Variants in IQCM observed in about 807,000 individuals in gnomAD.
The protein encoded by IQCM is IQ motif containing M, also known as IQ domain-containing protein M.
Under a neutral mutation model 57.6 loss-of-function variants are expected in IQCM, and 45 were observed. That is an observed-to-expected ratio of 0.78 (90% confidence interval 0.62 to 1.00). The LOEUF is 1.00. Among genes scored for constraint, IQCM ranks in the 50% least tolerant of loss-of-function variants. The probability of loss-of-function intolerance (pLI) is 0.00; values close to 1 mark genes in which losing one functional copy is unlikely to be tolerated. For synonymous variants in IQCM, 148 were observed against 158.9 expected (o/e 0.93, Z 0.51); for missense variants, 468 against 511.6 (o/e 0.91, Z 0.82).
chr4:149,508,991 C>G (rs909604655), intron 12 of IQCM, among the ~76,000 whole-genome samples: 27 of 152,180 alleles, frequency 1.8e-4, no homozygotes, highest in Non-Finnish European at 1.0e-4. Flanking sequence ...CTTCTCTTGT[C>G]TGCTGCCATG....
At chr4:149,595,288 T>A (rs1419601714) in intron 8 of IQCM, among the ~76,000 whole-genome samples, 1 of 152,132 alleles carries the variant, frequency 6.6e-6, no homozygotes, top group Admixed American at 6.5e-5. Flanking sequence ...CCCTGCTTTT[T>A]TTTGTTTTCC....
At chr4:149,546,043 C>T (rs1748378431) in intron 12 of IQCM, among the ~76,000 whole-genome samples, 1 of 152,092 alleles carries the variant, frequency 6.6e-6, no homozygotes, top group African/African-American at 2.4e-5. Context: ...TGTTCAATTC[C>T]CACCTATGAG....
At chr4:149,465,005 G>A (rs1738696128) in intron 12 of IQCM, among the ~76,000 whole-genome samples, 1 of 152,014 alleles carries the variant, frequency 6.6e-6, no homozygotes. Flanking sequence ...AGAAAACCAT[G>A]CATATTATTA....
chr4:149,481,705 T>TTTTTTTTGTTTGTTTGTTTG (rs1560895903), intron 12 of IQCM, among the ~76,000 whole-genome samples: 8 of 133,150 alleles, frequency 6.0e-5, no homozygotes, highest in African/African-American at 2.0e-4. Flanking sequence ...AGTTTTGTTT[T>TTTTTTTTGTTTGTTTGTTTG]TTTTTTTTTT....
chr4:149,455,456 G>A (rs976005132), intron 12 of IQCM, among the ~76,000 whole-genome samples: 1 of 151,942 alleles, frequency 6.6e-6, no homozygotes, highest in Admixed American at 6.6e-5. Flanking sequence ...ATGTATTTAC[G>A]ACCACCTTCC....
chr4:149,508,917 G>A (rs1371047659), intron 12 of IQCM, among the ~76,000 whole-genome samples: 4 of 152,188 alleles, frequency 2.6e-5, no homozygotes, highest in Non-Finnish European at 5.9e-5. Flanking sequence ...CTGTTCTCAT[G>A]ATAGTGAATA....
intron 2 of IQCM, among the ~76,000 whole-genome samples, chr4:149,776,165 A>G (rs1771072699): frequency 1.3e-5 from 2 of 152,258 alleles, no homozygotes; most frequent in South Asian, 4.1e-4. Context: ...TTTAGAAAGC[A>G]AAAGAAATCA....
At chr4:149,394,520 T>G (rs568465034) in intron 13 of IQCM, among the ~76,000 whole-genome samples, 1 of 152,106 alleles carries the variant, frequency 6.6e-6, no homozygotes, top group Admixed American at 6.6e-5. Context: ...CCTCCTTAGG[T>G]TTGCGCAGTC....
rs140284564 is a variant in IQCM, at chr4:149,494,175, C to T, written c.1228+54280G>A. ...TTTTAATTAACTCAGGCACAGCAGT[C>T]GTTTTTAACGGCTAACATTTTGTGT... On this transcript the variant is annotated intron_variant, in intron 12 of 13. Transcript: ENST00000636793. Among the ~76,000 whole-genome samples, 283 of 152,042 alleles carry T rather than the reference C, an allele frequency of 1.9e-3. 1 individual carries two copies. The highest frequency in any genetic ancestry group is 3.4e-3 in the Non-Finnish European group (229 of 67,966).
At chr4:149,728,798 T>C (rs1561207031) in intron 5 of IQCM, among the ~76,000 whole-genome samples, 1 of 152,188 alleles carries the variant, frequency 6.6e-6, no homozygotes, top group Non-Finnish European at 1.5e-5. Flanking sequence ...TTCCTTCTTG[T>C]TCCTTTACAG....
chr4:149,474,424 T>G (rs1739948361), intron 12 of IQCM, among the ~76,000 whole-genome samples: 1 of 151,110 alleles, frequency 6.6e-6, no homozygotes, highest in African/African-American at 2.4e-5. Context: ...AAAATAAAAA[T>G]TAGGCCAGGC....
At chr4:149,478,173 C>T (rs62338914) in intron 12 of IQCM, among the ~76,000 whole-genome samples, 2 of 152,186 alleles carry the variant, frequency 1.3e-5, no homozygotes, top group South Asian at 4.1e-4. Flanking sequence ...TGAAAAGCCC[C>T]TGAGGCTTAG....
intron 12 of IQCM, among the ~76,000 whole-genome samples, chr4:149,455,230 T>C (rs1737567687): frequency 6.6e-6 from 1 of 152,030 alleles, no homozygotes; most frequent in Admixed American, 6.6e-5. Flanking sequence ...CCAAGGGAGA[T>C]GAAGGCTGTA....
At chr4:149,459,107 C>T (rs1738006523) in intron 12 of IQCM, among the ~76,000 whole-genome samples, 2 of 152,174 alleles carry the variant, frequency 1.3e-5, no homozygotes, top group African/African-American at 4.8e-5. Flanking sequence ...AACAATGTTC[C>T]AAATACCTCA....
intron 12 of IQCM, among the ~76,000 whole-genome samples, chr4:149,482,518 T>C (rs1741020952): frequency 6.6e-6 from 1 of 151,936 alleles, no homozygotes; most frequent in Admixed American, 6.6e-5. Context: ...AATTCTTTTT[T>C]AGAATCAATT....
At chr4:149,540,328 C>G (rs1384193899) in intron 12 of IQCM, among the ~76,000 whole-genome samples, 3 of 149,876 alleles carry the variant, frequency 2.0e-5, no homozygotes, top group Non-Finnish European at 4.4e-5. Context: ...AACTAACTAC[C>G]AGGAAGTGCC....
chr4:149,628,159 C>G (rs1756970615), intron 7 of IQCM, among the ~76,000 whole-genome samples: 1 of 152,156 alleles, frequency 6.6e-6, no homozygotes, highest in Non-Finnish European at 1.5e-5. Context: ...GAAACTAACA[C>G]AGTCTATAAT....
At chr4:149,580,995 C>T (rs1043548556) in intron 9 of IQCM, among the ~76,000 whole-genome samples, 4 of 151,638 alleles carry the variant, frequency 2.6e-5, no homozygotes, top group African/African-American at 7.3e-5. Context: ...CCTTATTGAG[C>T]TTATATTCCA....
chr4:149,470,255 C>A (rs989625451), intron 12 of IQCM, among the ~76,000 whole-genome samples: 111 of 150,858 alleles, frequency 7.4e-4, no homozygotes, highest in African/African-American at 2.5e-3. Context: ...CACACATAGG[C>A]TCAAAATAAA....
Sources: gnomAD v4.1 joint callset for allele counts (sites outside exome capture counted in the v4.1 genomes callset) on GRCh38, gnomAD v4.1.1 for gene constraint, MANE v1.5 for transcripts, NCBI Gene and HGNC (gene_info 2026-07-23, HGNC 2026-07-21) for gene names.